Variants in TRAF3IP2 observed in about 807,000 individuals in gnomAD.
The protein encoded by TRAF3IP2 is E3 ubiquitin ligase TRAF3IP2.
Under a neutral mutation model 57.9 loss-of-function variants are expected in TRAF3IP2, and 35 were observed. The observed-to-expected ratio is 0.60, with a 90% CI of 0.46 to 0.80. The LOEUF (loss-of-function observed/expected upper bound fraction) is 0.80. Ranked by LOEUF, TRAF3IP2 falls within the 30% of genes least tolerant of loss-of-function variation. The probability of loss-of-function intolerance (pLI) is 0.00; values close to 1 mark genes in which losing one functional copy is unlikely to be tolerated. For synonymous variants in TRAF3IP2, 251 were observed against 268.9 expected (o/e 0.93, Z 0.65); for missense variants, 556 against 706.4 (o/e 0.79, Z 2.41).
At position 111,558,283 on chromosome 6, in the gene TRAF3IP2, A is replaced by G. The variant is rs1180455629; in HGVS notation, c.*1122T>C. On this transcript the variant is annotated 3_prime_UTR_variant, in exon 9 of 9. Transcript: ENST00000368761. ...TGGTAGAACCAAAATTAGAACACAG[A>G]CTACAATTCTAGCCTACATCCCCCA... The G allele has an allele frequency of 6.6e-6, 1 of 152,220 alleles. No homozygotes were observed. Among genetic ancestry groups the G allele is most frequent in the Non-Finnish European group, 1.5e-5 (1 of 68,040 alleles). The allele number at this position is 152,220 out of a possible 1,614,324, so 9.4% of individuals were successfully genotyped here. A position where few individuals can be genotyped will look rare whatever the true frequency, so the allele number is the denominator to read the frequency against.
In TRAF3IP2 at chr6:111,594,132, C is replaced by CAAAAAAAAAA. The variant is rs36108891; in HGVS notation, c.-8-2048_-8-2039dup. On this transcript the variant is annotated intron_variant, in intron 1 of 8. Coordinates refer to ENST00000368761, the MANE Select transcript of TRAF3IP2 (RefSeq NM_147686.4). ...AGCGACAAGAGCGAGACTCCATCTCCAAAAAAAAAAAAAATGCTCACCATT... is the reference window on the plus strand; with the variant it reads ...AGCGACAAGAGCGAGACTCCATCTCCAAAAAAAAAAAAAAAAAAAAAAAATGCTCACCATT... 5.9e-4 allele frequency among the ~76,000 whole-genome samples: 73 copies of CAAAAAAAAAA among 123,972 alleles called. 1 individual carries two copies. The highest frequency in any genetic ancestry group is 1.9e-3 in the South Asian group (7 of 3,702). The allele number at this position is 123,972 out of a possible 152,430, so 81.3% of individuals were successfully genotyped here. A position where few individuals can be genotyped will look rare whatever the true frequency, so the allele number is the denominator to read the frequency against.
At chr6:111,604,408 A>G (rs1796962196) in intron 1 of TRAF3IP2, among the ~76,000 whole-genome samples, 1 of 152,246 alleles carries the variant, frequency 6.6e-6, no homozygotes, top group Admixed American at 6.5e-5. Context: ...TTCCAGGTCC[A>G]GCTACAGCAG....
In TRAF3IP2 at chr6:111,567,402, T is replaced by C. The variant is rs546978841; in HGVS notation, c.1359+222A>G. The C allele has an allele frequency of 1.1e-4, 146 of 1,289,394 alleles. 2 individuals are homozygous for C. The Middle Eastern group carries it at 2.9e-3, about 26-fold the overall frequency. 79.9% of individuals were successfully genotyped at this position (1,289,394 alleles called of 1,614,324 possible). On this transcript the variant is annotated intron_variant, in intron 6 of 8. Coordinates refer to ENST00000368761, the MANE Select transcript of TRAF3IP2 (RefSeq NM_147686.4). Reference sequence around the variant, plus strand: ...TTTCCTCTGATTGTTATCAACCACCTGTGTCTGGTTTGACCGTTATTTCCT... The same window carrying C: ...TTTCCTCTGATTGTTATCAACCACCCGTGTCTGGTTTGACCGTTATTTCCT...
chr6:111,591,772 A>G lies in TRAF3IP2; in HGVS notation c.315T>C (p.Ala105=), dbSNP rs1234207892. The G allele has an allele frequency of 1.2e-6, 2 of 1,614,236 alleles. No individual in the cohort carries two copies. Among genetic ancestry groups the G allele is most frequent in the Non-Finnish European group, 1.7e-6 (2 of 1,180,042 alleles). Reference sequence around the variant, plus strand: ...TGACTGCAGAGCACCCAGAAGGGAAAGCTTTGCCCAGGCCTGGGTGTCTCC... The same window carrying G: ...TGACTGCAGAGCACCCAGAAGGGAAGGCTTTGCCCAGGCCTGGGTGTCTCC... ...FCRRHPGLGK[A]FPSGCSAVSE... is the part of the protein sequence containing the mutation. Residue 105 remains alanine, a synonymous_variant, in exon 2 of 9, where the codon GCT becomes GCC. Transcript: ENST00000368761. This position sits in a 1 kb window ranked among gnomAD's most constrained non-coding sequence, Gnocchi z 4.9.
At chr6:111,578,704 T>C (rs1402560863) in intron 3 of TRAF3IP2, among the ~76,000 whole-genome samples, 3 of 152,216 alleles carry the variant, frequency 2.0e-5, no homozygotes, top group African/African-American at 2.4e-5. Context: ...TGTGGGCTTC[T>C]GAGCAAAAGA....
At chr6:111,595,791 G>A (rs1796668386) in intron 1 of TRAF3IP2, among the ~76,000 whole-genome samples, 1 of 149,358 alleles carries the variant, frequency 6.7e-6, no homozygotes, top group South Asian at 2.1e-4. Context: ...TCGTGCCACT[G>A]CACTCCAGCC....
Position 111,590,815 on chromosome 6 carries a change from C to G in TRAF3IP2, c.829+443G>C, listed in dbSNP as rs6918304. Among the ~76,000 whole-genome samples, 392 of 152,254 alleles carry G rather than the reference C, an allele frequency of 2.6e-3. 5 individuals carry two copies. The highest frequency in any genetic ancestry group is 9.1e-3 in the African/African-American group (380 of 41,560). On this transcript the variant is annotated intron_variant, in intron 2 of 8. Coordinates refer to ENST00000368761, the MANE Select transcript of TRAF3IP2 (RefSeq NM_147686.4). ...GTCTCAATGACATTCTGGGCACCTT[C>G]TGGTTTTTTGTTTTGTTTTGCTTTG...
At chr6:111,562,895 A>T (rs1456620820) in intron 8 of TRAF3IP2, 70 bp downstream of exon 8, 1 of 1,206,434 alleles carries the variant, frequency 8.3e-7, no homozygotes, top group Non-Finnish European at 1.2e-6. Flanking sequence ...AAGGTTTTCC[A>T]TTTAAAATCC....
At position 111,591,624 on chromosome 6, in the gene TRAF3IP2, C is replaced by A; in HGVS notation, c.463G>T (p.Asp155Tyr). ...AAACTTTGGTCTGATTTGTCTGAGT[C>A]ATGGCCAGTGTCAGGAGAAGCCGCT... ...LSAASPDTGHDSDKSDQSLPN... is the reference protein window; with the variant it reads ...LSAASPDTGHYSDKSDQSLPN... The change falls in exon 2 of 9, where the codon GAC (aspartate) becomes TAC (tyrosine). Residue 155 changes from aspartate to tyrosine, a missense_variant. This residue lies in a region of TRAF3IP2 where 428 missense variants were observed against 498.7 expected (regional missense o/e 0.86). Transcript: ENST00000368761. The surrounding 1 kb of genome is among the most constrained non-coding windows in gnomAD (Gnocchi z 4.9). 1 of 1,614,210 alleles carries A rather than the reference C, an allele frequency of 6.2e-7. No individual in the cohort carries two copies. The highest frequency in any genetic ancestry group is 1.1e-5 in the South Asian group (1 of 91,072).
At position 111,557,286 on chromosome 6, in the gene TRAF3IP2, T is replaced by G. The variant is rs1229622798; in HGVS notation, c.*2119A>C. ...CATAATTAAAGCCATCCCACCTTTA[T>G]AGTTTACGTAGATTTGATACATGTA... On this transcript the variant is annotated 3_prime_UTR_variant, in exon 9 of 9. Transcript: ENST00000368761. The G allele has an allele frequency of 1.3e-5, 2 of 152,204 alleles. No individual in the cohort carries two copies. Among genetic ancestry groups the G allele is most frequent in the East Asian group, 1.9e-4 (1 of 5,200 alleles). The allele number at this position is 152,204 out of a possible 1,614,324, so 9.4% of individuals were successfully genotyped here.
chr6:111,590,371 G>A (rs1796467394), intron 2 of TRAF3IP2, among the ~76,000 whole-genome samples: 3 of 152,200 alleles, frequency 2.0e-5, no homozygotes, highest in African/African-American at 4.8e-5. Context: ...GGGAGACAGA[G>A]GCCCTGAAGG....
chr6:111,566,343 CA>C (rs1411974980), intron 7 of TRAF3IP2, 100 bp downstream of exon 7: 2 of 940,860 alleles, frequency 2.1e-6, no homozygotes, highest in Non-Finnish European at 3.4e-6. Flanking sequence ...CACCCAGCAT[CA>C]TGCTGCCTTC....
intron 3 of TRAF3IP2, among the ~76,000 whole-genome samples, chr6:111,579,316 CAAAAA>C (rs529040872): frequency 2.9e-5 from 2 of 69,830 alleles, no homozygotes; most frequent in Non-Finnish European, 2.5e-5. Context: ...GGCTCCATCT[CAAAAA>C]AAAAAAAAAA....
At chr6:111,597,898 A>T (rs1429735376) in intron 1 of TRAF3IP2, 1 of 455,886 alleles carries the variant, frequency 2.2e-6, no homozygotes, top group Admixed American at 2.3e-5. Context: ...TCTCTACCAG[A>T]GGGCGGTGCC....
At chr6:111,596,522 C>T (rs553271627) in intron 1 of TRAF3IP2, among the ~76,000 whole-genome samples, 3 of 152,288 alleles carry the variant, frequency 2.0e-5, no homozygotes, top group South Asian at 2.1e-4. Context: ...GGCACAATCT[C>T]GGCTCACTGC....
chr6:111,587,318 C>T (rs924722458), intron 2 of TRAF3IP2, among the ~76,000 whole-genome samples: 18 of 152,058 alleles, frequency 1.2e-4, no homozygotes, highest in African/African-American at 9.7e-5. Flanking sequence ...TGCAGTGGCG[C>T]GATCTCAGCT....
chr6:111,595,398 T>C (rs1796650260), intron 1 of TRAF3IP2, among the ~76,000 whole-genome samples: 1 of 152,132 alleles, frequency 6.6e-6, no homozygotes, highest in African/African-American at 2.4e-5. Context: ...TATCAAATAC[T>C]CAAAACAGCA....
Position 111,562,995 on chromosome 6 carries a change from G to C in TRAF3IP2, c.1521C>G (p.Phe507Leu). The C allele has an allele frequency of 6.2e-7, 1 of 1,612,976 alleles. No homozygotes were observed. Among genetic ancestry groups the C allele is most frequent in the Non-Finnish European group, 8.5e-7 (1 of 1,179,728 alleles). The change falls in exon 8 of 9, where the codon TTC (phenylalanine) becomes TTG (leucine). Residue 507 changes from phenylalanine (F) to leucine (L), a missense_variant. Physicochemically the swap from Phe to Leu is conservative, Grantham distance 22. Around this residue, in one of 2 missense-constraint regions of TRAF3IP2, gnomAD observed 128 missense variants for 207.7 expected, o/e 0.62. Coordinates refer to ENST00000368761, the MANE Select transcript of TRAF3IP2 (RefSeq NM_147686.4). ...FIKQGSMNFRFIPVLFPNAKK... is the reference protein window; with the variant it reads ...FIKQGSMNFRLIPVLFPNAKK... ...TAGCATTTGGGAAGAGCACAGGGAT[G>C]AATCTGAAATTCATGCTTCCTTGTT...
chr6:111,599,693 C>G (rs1583248544), intron 1 of TRAF3IP2, among the ~76,000 whole-genome samples: 1 of 152,316 alleles, frequency 6.6e-6, no homozygotes, highest in South Asian at 2.1e-4. Flanking sequence ...CACAGCGCTA[C>G]CTTTCTGATC....
Sources: gnomAD v4.1 joint callset for allele counts (sites outside exome capture counted in the v4.1 genomes callset) on GRCh38, gnomAD v4.1.1 for gene constraint, gnomAD v4.1.1 regional missense constraint, Gnocchi (gnomAD v3.1) non-coding constraint, MANE v1.5 for transcripts, NCBI Gene and HGNC (gene_info 2026-07-23, HGNC 2026-07-21) for gene names.